The following ERC1 variants were observed in gnomAD, a reference collection of about 807,000 sequenced individuals.
The protein encoded by ERC1 is ELKS/RAB6-interacting/CAST family member 1.
Under a neutral mutation model 132.0 loss-of-function variants are expected in ERC1, and 56 were observed. That is an observed-to-expected ratio of 0.42 (90% CI 0.34 to 0.53). The LOEUF is 0.53. Ranked by LOEUF, ERC1 falls within the 20% of genes least tolerant of loss-of-function variation. ERC1 has a pLI of 0.03. For missense variants in ERC1, 1,202 were observed against 1,349.9 expected (o/e 0.89, Z 1.72); for synonymous variants, 478 against 476.1 (o/e 1.00, Z -0.05).
chr12:1,243,180 C>T (rs920215123), intron 13 of ERC1, among the ~76,000 whole-genome samples: 5 of 134,620 alleles, frequency 3.7e-5, no homozygotes, highest in African/African-American at 1.1e-4. Context: ...GGCGACAGAG[C>T]GAGACTCCGT....
intron 2 of ERC1, among the ~76,000 whole-genome samples, chr12:1,042,338 GTTTTTT>G (rs776086251): frequency 8.3e-6 from 1 of 121,002 alleles, no homozygotes; most frequent in East Asian, 2.5e-4. Context: ...CGCCCGGCCT[GTTTTTT>G]TTTTTTTTTT....
intron 15 of ERC1, among the ~76,000 whole-genome samples, chr12:1,320,466 A>T (rs73034930): frequency 6.6e-6 from 1 of 152,154 alleles, no homozygotes; most frequent in East Asian, 1.9e-4. Context: ...GTAGTATTCC[A>T]TAGTATTATA....
intron 17 of ERC1, among the ~76,000 whole-genome samples, chr12:1,432,594 A>G (rs2092828966): frequency 6.6e-6 from 1 of 152,256 alleles, no homozygotes; most frequent in Non-Finnish European, 1.5e-5. Context: ...GTTATTGGAA[A>G]TAATAGTAGT....
At chr12:1,275,464 A>G (rs1316260196) in intron 14 of ERC1, among the ~76,000 whole-genome samples, 1 of 152,190 alleles carries the variant, frequency 6.6e-6, no homozygotes, top group East Asian at 1.9e-4. Context: ...AAAATAGAGT[A>G]TTCCAGCAAT....
At position 1,493,204 on chromosome 12, in the gene ERC1, C is replaced by A. The variant is rs1054613513; in HGVS notation, c.*2974C>A. On this transcript the variant is annotated 3_prime_UTR_variant, in exon 19 of 19. Transcript: ENST00000360905. ...ATTGAGATTTGCAAGGACTTTGATACCATTTGAAATGGAAAAATTTTGAAC... is the reference window on the plus strand; with the variant it reads ...ATTGAGATTTGCAAGGACTTTGATAACATTTGAAATGGAAAAATTTTGAAC... 1 of 197,220 alleles carries A rather than the reference C, an allele frequency of 5.1e-6. No individual in the cohort carries two copies. The highest frequency in any genetic ancestry group is 2.3e-5 in the African/African-American group (1 of 43,248). The allele number at this position is 197,220 out of a possible 1,614,324, so 12.2% of individuals were successfully genotyped here.
intron 12 of ERC1, among the ~76,000 whole-genome samples, chr12:1,192,016 G>A (rs553373855): frequency 2.2e-4 from 33 of 152,358 alleles, no homozygotes; most frequent in Non-Finnish European, 2.1e-4. Context: ...GAGGCCCAGA[G>A]AAGTCATTGC....
intron 18 of ERC1, among the ~76,000 whole-genome samples, chr12:1,463,677 G>A (rs1299974304): frequency 6.7e-6 from 1 of 148,484 alleles, no homozygotes; most frequent in Non-Finnish European, 1.5e-5. Context: ...AACGGGAAGA[G>A]AGGGGTTGGG....
chr12:1,483,015 G>A (rs2094122499), intron 18 of ERC1, among the ~76,000 whole-genome samples: 1 of 152,098 alleles, frequency 6.6e-6, no homozygotes, highest in Admixed American at 6.5e-5. Context: ...AATGGAATCA[G>A]GCTGGGCATG....
At chr12:1,195,895 G>A (rs1040352395) in intron 12 of ERC1, among the ~76,000 whole-genome samples, 5 of 95,604 alleles carry the variant, frequency 5.2e-5, no homozygotes, top group African/African-American at 1.3e-4. Flanking sequence ...CCCTTTTTTT[G>A]TAATGGAAGC....
At chr12:1,196,264 AC>A (rs541133295) in intron 12 of ERC1, among the ~76,000 whole-genome samples, 113 of 151,826 alleles carry the variant, frequency 7.4e-4, no homozygotes, top group African/African-American at 2.5e-3. Context: ...CTCATCCCCC[AC>A]CCAAATGCCT....
chr12:1,376,205 A>G lies in ERC1; in HGVS notation c.2925+4228A>G, dbSNP rs1408528373. Among the ~76,000 whole-genome samples, 6 of 152,312 alleles carry G rather than the reference A, an allele frequency of 3.9e-5. No individual in the cohort carries two copies. The East Asian group carries it at 9.6e-4, about 24-fold the overall frequency. ...GTACTTTTTATCCTTTCTTTTTTCC[A>G]CCTGTTCTTTTTAATGATATGACTC... On this transcript the variant is annotated intron_variant, in intron 16 of 18. Transcript: ENST00000360905.
chr12:1,073,058 T>C (rs1200017321), intron 2 of ERC1, among the ~76,000 whole-genome samples: 1 of 151,950 alleles, frequency 6.6e-6, no homozygotes, highest in East Asian at 1.9e-4. Context: ...TCCCAGCACT[T>C]TGGGAGGCTG....
intron 8 of ERC1, among the ~76,000 whole-genome samples, chr12:1,165,276 G>A (rs887853359): frequency 6.6e-6 from 1 of 151,988 alleles, no homozygotes; most frequent in Non-Finnish European, 1.5e-5. Flanking sequence ...GAAGATAGAG[G>A]TGTGTATAGA....
intron 2 of ERC1, among the ~76,000 whole-genome samples, chr12:1,065,182 G>A (rs1938862651): frequency 6.6e-6 from 1 of 151,936 alleles, no homozygotes; most frequent in African/African-American, 2.4e-5. Flanking sequence ...TGTATTTTTA[G>A]TAGAGGGAGG....
rs376609643 is a variant in ERC1, at chr12:1,141,430, G to A, written c.1570-190G>A. ...ATGTGCATGAAGTTTGAGAAACATAGTTGTAGAGATTCCATTGTGTAACGG... is the reference window on the plus strand; with the variant it reads ...ATGTGCATGAAGTTTGAGAAACATAATTGTAGAGATTCCATTGTGTAACGG... On this transcript the variant is annotated intron_variant, in intron 7 of 18. Coordinates refer to ENST00000360905, the MANE Select transcript of ERC1 (RefSeq NM_178040.4). Among the ~76,000 whole-genome samples, 4 of 152,176 alleles carry A rather than the reference G, an allele frequency of 2.6e-5. No homozygotes were observed. The East Asian group carries it at 7.7e-4, about 29-fold the overall frequency.
rs558327578 is a variant in ERC1, at chr12:1,427,960, A to AT, written c.3025-16601dup. ...ATCATTTATAGTGTTTCACAGGTAG[A>AT]TCCTGCTTTTCTGTGGTTTCTGTTG... On this transcript the variant is annotated intron_variant, in intron 17 of 18. Coordinates refer to ENST00000360905, the MANE Select transcript of ERC1 (RefSeq NM_178040.4). Among the ~76,000 whole-genome samples, 399 of 152,250 alleles carry AT rather than the reference A, an allele frequency of 2.6e-3. 2 individuals are homozygous for AT. Among genetic ancestry groups the AT allele is most frequent in the African/African-American group, 8.9e-3 (371 of 41,530 alleles).
At chr12:1,122,665 C>CTATCTCTATCTG (rs796513293) in intron 7 of ERC1, among the ~76,000 whole-genome samples, 2,436 of 33,808 alleles carry the variant, frequency 0.072, 805 homozygotes, top group South Asian at 0.11. Flanking sequence ...ATCTCTATCT[C>CTATCTCTATCTG]TGCCTATTGA....
chr12:1,030,868 C>T (rs2154152160), intron 2 of ERC1, among the ~76,000 whole-genome samples: 1 of 152,258 alleles, frequency 6.6e-6, no homozygotes, highest in East Asian at 1.9e-4. Flanking sequence ...GGTTTGTAGC[C>T]TAGAAGCAGT....
chr12:1,190,793 T>A (rs900281307), intron 12 of ERC1, among the ~76,000 whole-genome samples: 11 of 152,188 alleles, frequency 7.2e-5, no homozygotes, highest in African/African-American at 2.7e-4. Context: ...GGTAGAACTT[T>A]GTTAATTACC....
Sources: allele counts gnomAD v4.1 joint callset (sites outside exome capture counted in the v4.1 genomes callset), GRCh38; gene constraint gnomAD v4.1.1; transcripts MANE v1.5; gene names NCBI Gene and HGNC (gene_info 2026-07-23, HGNC 2026-07-21).